Variants in HADHB observed in about 807,000 individuals in gnomAD.
The protein encoded by HADHB is hydroxyacyl-CoA dehydrogenase trifunctional multienzyme complex subunit beta.
HADHB carries 50 observed loss-of-function variants against 61.9 expected under a neutral mutation model. The ratio of observed to expected loss-of-function variants is 0.81; its 90% CI spans 0.64 to 1.02. The LOEUF (loss-of-function observed/expected upper bound fraction) is 1.02. Among genes scored for constraint, HADHB ranks in the 50% least tolerant of loss-of-function variants. HADHB has a pLI of 0.00. For missense variants in HADHB, 504 were observed against 586.5 expected (o/e 0.86, Z 1.45); for synonymous variants, 191 against 201.6 (o/e 0.95, Z 0.45).
intron 15 of HADHB, among the ~76,000 whole-genome samples, chr2:26,287,370 T>C (rs1673077713): frequency 6.6e-6 from 1 of 152,212 alleles, no homozygotes; most frequent in African/African-American, 2.4e-5. Context: ...CAGAAAACCA[T>C]GGTCCATTAA....
chr2:26,263,371 A>G lies in HADHB; in HGVS notation c.110-9A>G. The G allele has an allele frequency of 1.3e-6, 2 of 1,546,612 alleles. No individual in the cohort carries two copies. The highest frequency in any genetic ancestry group is 1.8e-6 in the Non-Finnish European group (2 of 1,119,250). On this transcript the variant is annotated splice_polypyrimidine_tract_variant and intron_variant, in intron 3 of 15. Transcript: ENST00000317799. ...TTAGTAGTTTTTGTTTTTAAACTTT[A>G]TCTTAAAGCTGTCCAGACCAAAACG...
chr2:26,280,131 A>G lies in HADHB; in HGVS notation c.933+16A>G, dbSNP rs760800516. The G allele has an allele frequency of 1.9e-6, 3 of 1,603,248 alleles. No individual in the cohort carries two copies. The highest frequency in any genetic ancestry group is 2.6e-6 in the Non-Finnish European group (3 of 1,170,150). On this transcript the variant is annotated intron_variant, in intron 10 of 15. Transcript: ENST00000317799. The stretch of plus-strand genomic sequence containing the variant: ...TTCTTTCTTGGTAACTGTCAATGTT[A>G]TTTGTATTTAGTAGTGACTTTTCTA...
chr2:26,262,407 C>T (rs756658526), intron 3 of HADHB, among the ~76,000 whole-genome samples: 3 of 151,790 alleles, frequency 2.0e-5, no homozygotes, highest in African/African-American at 4.8e-5. Context: ...CTAAAAGAAA[C>T]GATTTGAAAG....
Position 26,285,564 on chromosome 2 carries a change from G to C in HADHB, c.1382G>C (p.Gly461Ala). 1.9e-6 allele frequency: 3 copies of C among 1,613,398 alleles called. No individual in the cohort carries two copies. The highest frequency in any genetic ancestry group is 2.5e-6 in the Non-Finnish European group (3 of 1,179,458). The change falls in exon 15 of 16, where the codon GGA becomes GCA. Residue 461 changes from glycine to alanine, a missense_variant. Physicochemically the swap from Gly to Ala is moderately conservative, Grantham distance 60. Coordinates refer to ENST00000317799, the MANE Select transcript of HADHB (RefSeq NM_000183.3). ...QYGLVAACAA[G>A]GQGHAMIVEA... ...GGCTTAGTGGCTGCGTGTGCAGCTG[G>C]AGGGCAGGTACGTTACAGTGGTGTC...
intron 13 of HADHB, among the ~76,000 whole-genome samples, chr2:26,284,519 G>C (rs900358721): frequency 6.6e-6 from 1 of 150,402 alleles, no homozygotes; most frequent in African/African-American, 2.5e-5. Context: ...CTGGAGTGTA[G>C]TGGCACGATC....
At position 26,248,486 on chromosome 2, in the gene HADHB, A is replaced by C. The variant is rs60546420; in HGVS notation, c.-9+3496A>C. Among the ~76,000 whole-genome samples, 957 of 152,158 alleles carry C rather than the reference A, an allele frequency of 6.3e-3. 8 individuals are homozygous for C. The highest frequency in any genetic ancestry group is 0.022 in the African/African-American group (895 of 41,498). On this transcript the variant is annotated intron_variant, in intron 1 of 15. Transcript: ENST00000317799. Reference sequence around the variant, plus strand: ...CCACCTTGAGTATTTTACGCTAGAGACCTATATATGCTATACATACATTTT... The same window carrying C: ...CCACCTTGAGTATTTTACGCTAGAGCCCTATATATGCTATACATACATTTT...
In HADHB at chr2:26,283,053, T is replaced by TAG. The variant is rs773727060; in HGVS notation, c.1061+3_1061+4dup. 15 of 1,595,874 alleles carry TAG rather than the reference T, an allele frequency of 9.4e-6. No homozygotes were observed. Among genetic ancestry groups the TAG allele is most frequent in the Non-Finnish European group, 1.3e-5 (15 of 1,163,416 alleles). On this transcript the variant is annotated splice_region_variant and intron_variant, in intron 12 of 15. Coordinates refer to ENST00000317799, the MANE Select transcript of HADHB (RefSeq NM_000183.3). ...TCCAAAAGATCAACTATTACTTGGG[T>TAG]AGGTAGCAGTTTGTATCCTTGGACT... is the stretch of plus-strand genomic sequence containing the variant.
rs72849934 is a variant in HADHB at position 26,247,888 on chromosome 2, T to A, written c.-9+2898T>A. 6.4e-3 allele frequency among the ~76,000 whole-genome samples: 981 copies of A among 152,256 alleles called. 7 individuals carry two copies. Among genetic ancestry groups the A allele is most frequent in the African/African-American group, 0.022 (917 of 41,530 alleles). On this transcript the variant is annotated intron_variant, in intron 1 of 15. Transcript: ENST00000317799. ...AGGGGGGTTCTGGAACCAATCCCCC[T>A]TGGATACTGAGGAACAACAGTATAT... is the stretch of plus-strand genomic sequence containing the variant.
At chr2:26,247,374 A>T (rs1671209264) in intron 1 of HADHB, among the ~76,000 whole-genome samples, 1 of 152,136 alleles carries the variant, frequency 6.6e-6, no homozygotes, top group African/African-American at 2.4e-5. Flanking sequence ...TGAAATCTCT[A>T]TTTTTTATTA....
At position 26,282,842 on chromosome 2, in the gene HADHB, C is replaced by T. The variant is rs202212534; in HGVS notation, c.934-3C>T. The T allele has an allele frequency of 2.1e-5, 34 of 1,607,916 alleles. No individual in the cohort carries two copies. Among genetic ancestry groups the T allele is most frequent in the Non-Finnish European group, 2.7e-5 (32 of 1,175,282 alleles). On this transcript the variant is annotated splice_region_variant and splice_polypyrimidine_tract_variant and intron_variant, in intron 10 of 15. Coordinates refer to ENST00000317799, the MANE Select transcript of HADHB (RefSeq NM_000183.3). ...TTTAACATTGTGCTGGTTAACATTT[C>T]AGACTGATGGTGCATCTGCAATGTT...
chr2:26,253,373 T>C (rs990179014), intron 1 of HADHB, among the ~76,000 whole-genome samples: 1 of 152,218 alleles, frequency 6.6e-6, no homozygotes, highest in Non-Finnish European at 1.5e-5. Flanking sequence ...TGCTTCACCA[T>C]CCCTATTTAG....
chr2:26,278,721 C>G lies in HADHB; in HGVS notation c.550C>G (p.Leu184Val), dbSNP rs768588630. 3.7e-6 allele frequency: 6 copies of G among 1,613,778 alleles called. No homozygotes were observed. Among genetic ancestry groups the G allele is most frequent in the Admixed American group, 3.3e-5 (2 of 60,006 alleles). ...CTCAAGGAAAATGAGAAAACTGATG[C>G]TTGATCTCAATAAGGCCAAATCTAT... ...RHSRKMRKLM[L>V]DLNKAKSMGQ... Residue 184 changes from leucine to valine, a missense_variant, in exon 8 of 16, where the codon CTT becomes GTT. Physicochemically the swap from Leu to Val is conservative, Grantham distance 32 (BLOSUM62 1). Transcript: ENST00000317799.
chr2:26,276,625 G>C (rs562359638), intron 6 of HADHB, among the ~76,000 whole-genome samples: 100 of 152,196 alleles, frequency 6.6e-4, no homozygotes, highest in Non-Finnish European at 1.3e-3. Flanking sequence ...TTGCTGCTAA[G>C]CTTTGTGACT....
intron 5 of HADHB, among the ~76,000 whole-genome samples, chr2:26,271,410 G>A (rs1045445539): frequency 2.0e-5 from 3 of 152,064 alleles, no homozygotes; most frequent in African/African-American, 7.2e-5. Flanking sequence ...GGAAGGCTGA[G>A]GCAGGAGAAT....
At position 26,254,479 on chromosome 2, in the gene HADHB, A is replaced by G. The variant is rs774648719; in HGVS notation, c.109+5A>G. 2.7e-5 allele frequency: 41 copies of G among 1,540,042 alleles called. No individual in the cohort carries two copies. The Admixed American group carries it at 6.8e-4, about 26-fold the overall frequency. ...CCCAGCTACGAGCTGCCCCAGGTAC[A>G]GTAATTTGTAAAATAAATATTTCTG... On this transcript the variant is annotated splice_donor_5th_base_variant and intron_variant, in intron 3 of 15. Transcript: ENST00000317799.
chr2:26,272,999 CT>C (rs1244328405), intron 5 of HADHB, among the ~76,000 whole-genome samples: 1 of 151,848 alleles, frequency 6.6e-6, no homozygotes, highest in Non-Finnish European at 1.5e-5. Flanking sequence ...GAGAGAACCA[CT>C]TAAACCCAGG....
chr2:26,281,657 G>C (rs1672793858), intron 10 of HADHB, among the ~76,000 whole-genome samples: 1 of 152,194 alleles, frequency 6.6e-6, no homozygotes, highest in South Asian at 2.1e-4. Context: ...TTTGGGGACT[G>C]CATTAGTGCC....
At chr2:26,264,051 A>T (rs1671968695) in intron 4 of HADHB, among the ~76,000 whole-genome samples, 1 of 152,162 alleles carries the variant, frequency 6.6e-6, no homozygotes, top group African/African-American at 2.4e-5. Context: ...TAGTCTATCC[A>T]AAAGCTGATA....
intron 3 of HADHB, among the ~76,000 whole-genome samples, chr2:26,259,792 T>C (rs1671785258): frequency 1.3e-5 from 2 of 152,248 alleles, no homozygotes; most frequent in South Asian, 2.1e-4. Flanking sequence ...ACTGTAGTTA[T>C]CAGGGAAGGC....
Sources: allele counts gnomAD v4.1 joint callset (sites outside exome capture counted in the v4.1 genomes callset), GRCh38; gene constraint gnomAD v4.1.1; transcripts MANE v1.5; gene names NCBI Gene and HGNC (gene_info 2026-07-23, HGNC 2026-07-21).